Variants in RTN1 observed in about 807,000 individuals in gnomAD.
RTN1 encodes the protein reticulon 1.
A neutral mutation model predicts 65.5 loss-of-function variants in RTN1; 25 were observed. The ratio of observed to expected loss-of-function variants is 0.38; its 90% CI spans 0.28 to 0.53. The LOEUF (loss-of-function observed/expected upper bound fraction) is 0.53, where lower values mean the gene tolerates loss of function less well. Ranked by LOEUF, RTN1 falls within the 20% of genes least tolerant of loss-of-function variation. The pLI, the probability that RTN1 is intolerant of heterozygous loss-of-function variation, is 0.79. For missense variants in RTN1, 983 were observed against 1,025.4 expected, an observed-to-expected ratio of 0.96 and a Z score of 0.57; for synonymous variants, 471 against 447.6, an observed-to-expected ratio of 1.05 and a Z score of -0.66.
intron 2 of RTN1, among the ~76,000 whole-genome samples, chr14:59,730,163 A>T (rs1210298230): frequency 1.3e-5 from 2 of 152,178 alleles, no homozygotes; most frequent in Non-Finnish European, 2.9e-5. Flanking sequence ...ATATAACTAC[A>T]TGGTTAGAAA....
intron 3 of RTN1, among the ~76,000 whole-genome samples, chr14:59,681,160 T>G (rs139042743): frequency 1.3e-3 from 193 of 152,258 alleles, no homozygotes; most frequent in African/African-American, 4.4e-3. Flanking sequence ...TCTATTTTAT[T>G]ATTTCCATAT....
At chr14:59,863,105 A>G (rs946538360) in intron 1 of RTN1, among the ~76,000 whole-genome samples, 1 of 152,102 alleles carries the variant, frequency 6.6e-6, no homozygotes. Flanking sequence ...ATTCAGAGAC[A>G]CAGTTTCAGG....
intron 1 of RTN1, among the ~76,000 whole-genome samples, chr14:59,824,091 GAATC>G (rs1333956936): frequency 6.6e-6 from 1 of 152,086 alleles, no homozygotes; most frequent in Non-Finnish European, 1.5e-5. Context: ...TGTTATTTAA[GAATC>G]AATGAAATAA....
intron 1 of RTN1, among the ~76,000 whole-genome samples, chr14:59,800,085 T>C (rs1467095756): frequency 6.6e-6 from 1 of 152,196 alleles, no homozygotes; most frequent in Non-Finnish European, 1.5e-5. Flanking sequence ...CAGAGCCTGC[T>C]GGAAGCTGAG....
intron 3 of RTN1, among the ~76,000 whole-genome samples, chr14:59,722,552 A>G (rs1426550289): frequency 6.6e-6 from 1 of 152,192 alleles, no homozygotes; most frequent in East Asian, 1.9e-4. Flanking sequence ...GGGAGGAAAA[A>G]GTTCTGAGAA....
At chr14:59,610,221 T>C in intron 3 of RTN1, 3 of 719,202 alleles carry the variant, frequency 4.2e-6, no homozygotes, top group Non-Finnish European at 2.6e-6. Flanking sequence ...TCATGGACTT[T>C]CCTTGAAGAA....
chr14:59,635,385 T>C (rs1882642346), intron 3 of RTN1, among the ~76,000 whole-genome samples: 1 of 151,884 alleles, frequency 6.6e-6, no homozygotes, highest in African/African-American at 2.4e-5. Flanking sequence ...CTACCAAAGG[T>C]GACACTTTAG....
intron 3 of RTN1, among the ~76,000 whole-genome samples, chr14:59,631,557 A>G (rs113118983): frequency 2.6e-5 from 4 of 152,328 alleles, no homozygotes; most frequent in African/African-American, 9.6e-5. Flanking sequence ...TTAAAATGCA[A>G]ATGTCTAAGG....
At chr14:59,775,835 C>G (rs1000792931) in intron 1 of RTN1, among the ~76,000 whole-genome samples, 1 of 152,152 alleles carries the variant, frequency 6.6e-6, no homozygotes, top group Non-Finnish European at 1.5e-5. Flanking sequence ...CTCTTTCATA[C>G]AGCAGAAAGT....
At chr14:59,851,667 C>T (rs1887510587) in intron 1 of RTN1, among the ~76,000 whole-genome samples, 1 of 152,032 alleles carries the variant, frequency 6.6e-6, no homozygotes, top group African/African-American at 2.4e-5. Flanking sequence ...AGACCATCCT[C>T]ACCAACATGG....
intron 1 of RTN1, among the ~76,000 whole-genome samples, chr14:59,765,781 T>A (rs574707279): frequency 1.9e-3 from 283 of 151,862 alleles, no homozygotes; most frequent in African/African-American, 6.3e-3. Flanking sequence ...TTTTTTTTTT[T>A]AAACTCCTAA....
Position 59,652,535 on chromosome 14 carries a change from G to A in RTN1, c.1766-45043C>T, listed in dbSNP as rs376857495. ...AAGCTCATGTCTTTTGCAGGATCAC[G>A]AATGGAGCTGGAGGCCATTATTCTT... On this transcript the variant is annotated intron_variant, in intron 3 of 8. Coordinates refer to ENST00000267484, the MANE Select transcript of RTN1 (RefSeq NM_021136.3). 1.5e-3 allele frequency among the ~76,000 whole-genome samples: 228 copies of A among 152,208 alleles called. 2 individuals carry two copies. The highest frequency in any genetic ancestry group is 5.2e-3 in the African/African-American group (215 of 41,550).
chr14:59,794,818 A>T lies in RTN1; in HGVS notation c.242-48337T>A, dbSNP rs547294525. 3.3e-5 allele frequency among the ~76,000 whole-genome samples: 5 copies of T among 152,332 alleles called. No individual in the cohort carries two copies. The highest frequency in any genetic ancestry group is 1.2e-4 in the African/African-American group (5 of 41,574). ...ATAGTCTATTGACCAGAGGATGGTT[A>T]TATGGCCATATTTAACTAAATAGGA... On this transcript the variant is annotated intron_variant, in intron 1 of 8. Transcript: ENST00000267484. The surrounding 1 kb of genome is among the most constrained non-coding windows in gnomAD (Gnocchi z 5.1).
At chr14:59,641,692 T>C (rs1054181263) in intron 3 of RTN1, among the ~76,000 whole-genome samples, 4 of 152,318 alleles carry the variant, frequency 2.6e-5, no homozygotes, top group Non-Finnish European at 5.9e-5. Context: ...ATTTTAGTGA[T>C]TATTCTAGAA....
chr14:59,734,069 C>T (rs532661888), intron 2 of RTN1, among the ~76,000 whole-genome samples: 13 of 152,336 alleles, frequency 8.5e-5, no homozygotes, highest in South Asian at 6.2e-4. Flanking sequence ...ACTTTCACTG[C>T]TGATGCCTCC....
intron 2 of RTN1, among the ~76,000 whole-genome samples, chr14:59,739,489 C>T (rs1273056774): frequency 9.3e-5 from 14 of 150,218 alleles, no homozygotes; most frequent in African/African-American, 3.2e-4. Flanking sequence ...TGCAGTGAGC[C>T]GAGATCATGC....
chr14:59,681,219 T>C (rs1566683356), intron 3 of RTN1, among the ~76,000 whole-genome samples: 1 of 152,154 alleles, frequency 6.6e-6, no homozygotes, highest in African/African-American at 2.4e-5. Flanking sequence ...AACAAAAACT[T>C]ACCAAGCATT....
At position 59,706,835 on chromosome 14, in the gene RTN1, A is replaced by G. The variant is rs531028463; in HGVS notation, c.1765+20084T>C. Among the ~76,000 whole-genome samples the G allele has an allele frequency of 5.3e-5, 8 of 152,342 alleles. No individual in the cohort carries two copies. In the South Asian group the frequency reaches 8.3e-4, roughly 16 times the overall value. Reference sequence around the variant, plus strand: ...ACACTTCTCCCTCCTCTGAAATCCAATAGCACTTAGGATTGACAGGATTTG... The same window carrying G: ...ACACTTCTCCCTCCTCTGAAATCCAGTAGCACTTAGGATTGACAGGATTTG... On this transcript the variant is annotated intron_variant, in intron 3 of 8. Coordinates refer to ENST00000267484, the MANE Select transcript of RTN1 (RefSeq NM_021136.3).
intron 1 of RTN1, among the ~76,000 whole-genome samples, chr14:59,808,943 T>G (rs1453053938): frequency 6.6e-6 from 1 of 152,172 alleles, no homozygotes; most frequent in African/African-American, 2.4e-5. Context: ...GCTTCCTGTA[T>G]AGCCTGCAAA....
Sources: gnomAD v4.1 joint callset for allele counts (sites outside exome capture counted in the v4.1 genomes callset) on GRCh38, gnomAD v4.1.1 for gene constraint, Gnocchi (gnomAD v3.1) non-coding constraint, MANE v1.5 for transcripts, NCBI Gene and HGNC (gene_info 2026-07-23, HGNC 2026-07-21) for gene names.